The following RIMBP2 variants were observed in gnomAD, a reference collection of about 807,000 sequenced individuals.
The protein encoded by RIMBP2 is RIMS binding protein 2, also known as RIMS-binding protein 2.
In RIMBP2, 48 loss-of-function variants were observed where a neutral mutation model predicts 118.6. The ratio of observed to expected loss-of-function variants is 0.40; its 90% confidence interval spans 0.32 to 0.51. The LOEUF is 0.51. Among genes scored for constraint, RIMBP2 ranks in the 20% least tolerant of loss-of-function variants. The pLI is 0.41. For missense variants in RIMBP2, 1,551 were observed against 1,768.3 expected (o/e 0.88, Z 2.20); for synonymous variants, 762 against 742.9 (o/e 1.03, Z -0.42).
At chr12:130,567,951 T>C (rs1482144229) in intron 2 of RIMBP2, among the ~76,000 whole-genome samples, 1 of 152,130 alleles carries the variant, frequency 6.6e-6, no homozygotes, top group Non-Finnish European at 1.5e-5. Flanking sequence ...GTCTTACCTA[T>C]GCCTTGGAGC....
At chr12:130,533,318 C>T (rs1441980976) in intron 2 of RIMBP2, among the ~76,000 whole-genome samples, 3 of 152,140 alleles carry the variant, frequency 2.0e-5, no homozygotes, top group Admixed American at 1.3e-4. Context: ...TGCCCATCAT[C>T]ACTAATCAGA....
At chr12:130,455,949 C>G (rs2079400057) in intron 7 of RIMBP2, among the ~76,000 whole-genome samples, 2 of 152,292 alleles carry the variant, frequency 1.3e-5, no homozygotes, top group South Asian at 2.1e-4. Context: ...GGGCTTCTCC[C>G]CACCCGGCCT....
intron 6 of RIMBP2, among the ~76,000 whole-genome samples, chr12:130,463,297 T>C (rs927122007): frequency 2.0e-5 from 3 of 152,106 alleles, no homozygotes; most frequent in Non-Finnish European, 4.4e-5. Context: ...ATGGTGCTGC[T>C]CCTCCCCATC....
chr12:130,601,684 G>A (rs1003428705), intron 2 of RIMBP2, among the ~76,000 whole-genome samples: 1 of 152,168 alleles, frequency 6.6e-6, no homozygotes, highest in Non-Finnish European at 1.5e-5. Flanking sequence ...TTGTGCATAT[G>A]TAACTAGGAA....
In RIMBP2 at chr12:130,523,084, G is replaced by A. The variant is rs1025888791; in HGVS notation, c.-216-5167C>T. ...TCTGCCTCTCTGTCTCTGTCTCCACGTCTCTGTTTCTCTGCTTCTTCTGTC... is the reference window on the plus strand; with the variant it reads ...TCTGCCTCTCTGTCTCTGTCTCCACATCTCTGTTTCTCTGCTTCTTCTGTC... On this transcript the variant is annotated intron_variant, in intron 2 of 22. Coordinates refer to ENST00000690449, the MANE Select transcript of RIMBP2 (RefSeq NM_001393629.1). The surrounding 1 kb of genome is among the most constrained non-coding windows in gnomAD (Gnocchi z 4.4). Among the ~76,000 whole-genome samples the A allele has an allele frequency of 6.6e-5, 10 of 151,278 alleles. No homozygotes were observed. The highest frequency in any genetic ancestry group is 1.2e-4 in the Non-Finnish European group (8 of 67,834).
At chr12:130,679,604 C>A (rs1383313395) in intron 1 of RIMBP2, among the ~76,000 whole-genome samples, 1 of 152,154 alleles carries the variant, frequency 6.6e-6, no homozygotes, top group Non-Finnish European at 1.5e-5. Context: ...GCGCATTCGC[C>A]TGGTGAGAAT....
At chr12:130,605,702 G>A (rs1388709558) in intron 2 of RIMBP2, among the ~76,000 whole-genome samples, 1 of 152,218 alleles carries the variant, frequency 6.6e-6, no homozygotes, top group Non-Finnish European at 1.5e-5. Flanking sequence ...TTGCGTCTGT[G>A]TGCTGTGTGG....
In RIMBP2 at chr12:130,500,939, C is replaced by T. The variant is rs151205689; in HGVS notation, c.-4+5709G>A. Among the ~76,000 whole-genome samples, 1,103 of 152,258 alleles carry T rather than the reference C, an allele frequency of 7.2e-3. 5 individuals are homozygous for T. Among genetic ancestry groups the T allele is most frequent in the Non-Finnish European group, 0.011 (733 of 68,010 alleles). ...TCTAATAATGGAACAACATGGGTTT[C>T]TTGAGGATCAGCAGGGAGGTCCGTA... On this transcript the variant is annotated intron_variant, in intron 4 of 22. Coordinates refer to ENST00000690449, the MANE Select transcript of RIMBP2 (RefSeq NM_001393629.1).
chr12:130,693,270 G>T (rs2065417553), intron 1 of RIMBP2, among the ~76,000 whole-genome samples: 1 of 152,168 alleles, frequency 6.6e-6, no homozygotes, highest in South Asian at 2.1e-4. Flanking sequence ...ATGAATGAAT[G>T]AAATGTGAAG....
rs535464393 is a variant in RIMBP2, at chr12:130,580,434, G to C, written c.-217+47888C>G. ...AGTGCTCTTGGCTGCCGCCACGTAA[G>C]ATGTGTCTTCCCTCCCCTTCACTTT... On this transcript the variant is annotated intron_variant, in intron 2 of 22. Coordinates refer to ENST00000690449, the MANE Select transcript of RIMBP2 (RefSeq NM_001393629.1). 9.8e-5 allele frequency among the ~76,000 whole-genome samples: 15 copies of C among 152,306 alleles called. No homozygotes were observed. In the South Asian group the frequency reaches 3.1e-3, roughly 32 times the overall value.
chr12:130,448,120 TAAA>T (rs5801923), intron 9 of RIMBP2, among the ~76,000 whole-genome samples: 8 of 137,444 alleles, frequency 5.8e-5, no homozygotes, highest in Non-Finnish European at 6.3e-5. Flanking sequence ...GGTGGGTGGT[TAAA>T]AAAAAAAAAA....
chr12:130,404,662 G>A (rs140769361), intron 21 of RIMBP2, among the ~76,000 whole-genome samples: 4 of 152,300 alleles, frequency 2.6e-5, no homozygotes, highest in African/African-American at 9.6e-5. Context: ...TTTTCTGACA[G>A]ATGAAAGGAA....
intron 21 of RIMBP2, among the ~76,000 whole-genome samples, chr12:130,403,027 C>G (rs73150880): frequency 2.0e-5 from 3 of 152,182 alleles, no homozygotes; most frequent in Non-Finnish European, 4.4e-5. Flanking sequence ...CTCGGGGGTC[C>G]CTGCTTACGC....
chr12:130,532,577 A>G (rs1301598721), intron 2 of RIMBP2, among the ~76,000 whole-genome samples: 139 of 88,854 alleles, frequency 1.6e-3, no homozygotes, highest in Middle Eastern at 0.016. Flanking sequence ...TGAGATGCGT[A>G]TGTTTAGCCT....
intron 2 of RIMBP2, among the ~76,000 whole-genome samples, chr12:130,524,034 C>A (rs960116176): frequency 2.0e-5 from 3 of 152,250 alleles, no homozygotes; most frequent in Admixed American, 6.5e-5. Flanking sequence ...CAGGCCCCAG[C>A]AAGATGCTTC....
At position 130,446,441 on chromosome 12, in the gene RIMBP2, G is replaced by A. The variant is rs1309753058; in HGVS notation, c.582-1172C>T. On this transcript the variant is annotated intron_variant, in intron 9 of 22. Coordinates refer to ENST00000690449, the MANE Select transcript of RIMBP2 (RefSeq NM_001393629.1). The surrounding 1 kb of genome is among the most constrained non-coding windows in gnomAD (Gnocchi z 4.1). The stretch of plus-strand genomic sequence containing the variant: ...TCACAAGCTTATGAATCGGTGGAAG[G>A]GGAACCAGAGCTGAGACCTCCTGAC... Among the ~76,000 whole-genome samples the A allele has an allele frequency of 6.6e-6, 1 of 152,190 alleles. No homozygotes were observed. Among genetic ancestry groups the A allele is most frequent in the Admixed American group, 6.5e-5 (1 of 15,290 alleles).
chr12:130,674,444 G>A (rs2064348926), intron 1 of RIMBP2, among the ~76,000 whole-genome samples: 1 of 152,144 alleles, frequency 6.6e-6, no homozygotes, highest in Non-Finnish European at 1.5e-5. Context: ...GAGCAGGGCT[G>A]CTTCCTGGGG....
rs147226316 is a variant in RIMBP2, at chr12:130,422,868, T to C, written c.3130-307A>G. Reference sequence around the variant, plus strand: ...GTTTTGGGACCAAAGAGACAATGGCTTGAATACATCCCACCCCGCCTTGGC... The same window carrying C: ...GTTTTGGGACCAAAGAGACAATGGCCTGAATACATCCCACCCCGCCTTGGC... On this transcript the variant is annotated intron_variant, in intron 16 of 22. Coordinates refer to ENST00000690449, the MANE Select transcript of RIMBP2 (RefSeq NM_001393629.1). This position sits in a 1 kb window ranked among gnomAD's most constrained non-coding sequence, Gnocchi z 5.2. Among the ~76,000 whole-genome samples the C allele has an allele frequency of 3.7e-4, 56 of 152,256 alleles. No individual in the cohort carries two copies. The highest frequency in any genetic ancestry group is 1.3e-3 in the African/African-American group (53 of 41,560).
intron 1 of RIMBP2, among the ~76,000 whole-genome samples, chr12:130,708,180 G>A (rs1380621626): frequency 1.2e-4 from 19 of 152,150 alleles, no homozygotes; most frequent in Admixed American, 1.1e-3. Flanking sequence ...AGATGTCCAC[G>A]GCGGGACATC....
Sources: gnomAD v4.1 joint callset for allele counts (sites outside exome capture counted in the v4.1 genomes callset) on GRCh38, gnomAD v4.1.1 for gene constraint, Gnocchi (gnomAD v3.1) non-coding constraint, MANE v1.5 for transcripts, NCBI Gene and HGNC (gene_info 2026-07-23, HGNC 2026-07-21) for gene names.